DUXB: variants seen among roughly 807,000 people sequenced by gnomAD.
The protein encoded by DUXB is double homeobox protein B.
DUXB carries 22 observed loss-of-function variants against 8.9 expected under a neutral mutation model. The ratio of observed to expected loss-of-function variants is 2.46; its 90% CI spans 1.76 to 3.52. The LOEUF (loss-of-function observed/expected upper bound fraction) is 3.52, where lower values mean the gene tolerates loss of function less well. Ranked by LOEUF, DUXB falls within the 30% of genes most tolerant of loss-of-function variation. DUXB has a pLI of 0.00. For missense variants in DUXB, 237 were observed against 108.7 expected (o/e 2.18, Z -5.25); for synonymous variants, 84 against 37.6 (o/e 2.23, Z -4.52).
chr16:75,698,787 T>G (rs1313005923), intron 2 of DUXB: 1 of 152,262 alleles, frequency 6.6e-6, no homozygotes, highest in African/African-American at 2.4e-5. Flanking sequence ...TTCTCCTGCC[T>G]CAACCTCCTA....
rs956480172 is a variant in DUXB at position 75,696,057 on chromosome 16, G to GT, written c.344dup (p.Asn115LysfsTer8). 2.4e-5 allele frequency: 17 copies of GT among 702,798 alleles called. No homozygotes were observed. The highest frequency in any genetic ancestry group is 3.1e-5 in the Non-Finnish European group (12 of 385,018). The allele number at this position is 702,798 out of a possible 1,614,324, so 43.5% of individuals were successfully genotyped here. ...TCCTCTCAAAGGCTTGCACTAGCCT[G>GT]TTTTTTTGAGTCCATGTGATGAATG... On this transcript the variant is annotated frameshift_variant, in exon 4 of 5. Coordinates refer to ENST00000633875, the MANE Select transcript of DUXB (RefSeq NM_001351307.2). LOFTEE classifies it high-confidence loss of function.
At chr16:75,695,772 G>A (rs1024368675) in intron 4 of DUXB, among the ~76,000 whole-genome samples, 189 bp downstream of exon 4, 7 of 152,174 alleles carry the variant, frequency 4.6e-5, no homozygotes, top group African/African-American at 1.7e-4. Context: ...TTCCAAATCC[G>A]TGCACAGCAA....
intron 2 of DUXB, among the ~76,000 whole-genome samples, chr16:75,697,610 T>C (rs956373383): frequency 5.3e-5 from 8 of 152,232 alleles, no homozygotes; most frequent in African/African-American, 1.7e-4. Context: ...ATTATTTTGA[T>C]AATTAGATCA....
Position 75,701,377 on chromosome 16 carries a change from G to A in DUXB, c.25+17C>T, listed in dbSNP as rs907132055. The A allele has an allele frequency of 5.0e-6, 2 of 398,490 alleles. No homozygotes were observed. The highest frequency in any genetic ancestry group is 8.8e-6 in the Non-Finnish European group (2 of 226,108). The allele number at this position is 398,490 out of a possible 1,614,324, so 24.7% of individuals were successfully genotyped here. A position where few individuals can be genotyped will look rare whatever the true frequency, so the allele number is the denominator to read the frequency against. On this transcript the variant is annotated intron_variant, in intron 1 of 4. Transcript: ENST00000633875. ...CAGCAATCCCAAAGAACAGAGAAAA[G>A]GCTGATGGGAACTTACCACCTGAAG...
intron 4 of DUXB, 97 bp from the exon 5 acceptor site, chr16:75,694,622 A>G (rs1254390097): frequency 6.0e-6 from 4 of 668,998 alleles, no homozygotes; most frequent in South Asian, 1.6e-5. Context: ...TAACCTAAGG[A>G]CAAATCACAG....
chr16:75,695,337 G>A (rs530295718), intron 4 of DUXB, among the ~76,000 whole-genome samples: 3 of 152,296 alleles, frequency 2.0e-5, no homozygotes, highest in South Asian at 4.1e-4. Context: ...ATAAGAATTC[G>A]TAGTTTGTGT....
chr16:75,694,361 A>G lies in DUXB; in HGVS notation c.606T>C (p.His202=), dbSNP rs2082587505. The change falls in exon 5 of 5, where the codon CAT becomes CAC. Residue 202 remains histidine (H), a synonymous_variant. Transcript: ENST00000633875. ...GAAGAGTTTCATGCCCGCTGGAAGA[A>G]TGTGAGCAAGAAAAATAATGAGAGC... is the stretch of plus-strand genomic sequence containing the variant. ...TDSSHYFSCS[H]SSSGHETLPP... 3 of 665,402 alleles carry G rather than the reference A, an allele frequency of 4.5e-6. No individual in the cohort carries two copies. Among genetic ancestry groups the G allele is most frequent in the Admixed American group, 2.4e-5 (1 of 41,436 alleles). The allele number at this position is 665,402 out of a possible 1,614,324, so 41.2% of individuals were successfully genotyped here.
At chr16:75,698,370 C>A (rs1333754240) in intron 2 of DUXB, among the ~76,000 whole-genome samples, 2 of 152,160 alleles carry the variant, frequency 1.3e-5, no homozygotes, top group Non-Finnish European at 2.9e-5. Flanking sequence ...GACTGAGATC[C>A]TTATAGCCAA....
intron 2 of DUXB, among the ~76,000 whole-genome samples, chr16:75,697,613 T>C (rs1245870903): frequency 6.6e-6 from 1 of 152,234 alleles, no homozygotes; most frequent in African/African-American, 2.4e-5. Flanking sequence ...ATTTTGATAA[T>C]TAGATCATTC....
chr16:75,697,474 A>T (rs1333523517), intron 2 of DUXB, among the ~76,000 whole-genome samples: 2 of 151,966 alleles, frequency 1.3e-5, no homozygotes, highest in Non-Finnish European at 2.9e-5. Flanking sequence ...AGATGAGGAG[A>T]CTCCTAGCAA....
intron 2 of DUXB, among the ~76,000 whole-genome samples, chr16:75,699,703 C>T (rs985497362): frequency 4.6e-5 from 7 of 151,980 alleles, no homozygotes; most frequent in African/African-American, 9.6e-5. Context: ...GGACTACAGG[C>T]GACTGCCACC....
At chr16:75,697,174 G>A (rs2082614785) in intron 2 of DUXB, among the ~76,000 whole-genome samples, 1 of 152,168 alleles carries the variant, frequency 6.6e-6, no homozygotes, top group African/African-American at 2.4e-5. Flanking sequence ...CATTTTTTGT[G>A]GCATCCAGAG....
At chr16:75,696,247 CA>C (rs2082606197) in intron 3 of DUXB, 132 bp from the exon 4 acceptor site, 2 of 617,528 alleles carry the variant, frequency 3.2e-6, no homozygotes, top group Admixed American at 2.7e-5. Flanking sequence ...TGCTCTGCAG[CA>C]GGACCAAAAA....
At chr16:75,698,067 T>C (rs1218373490) in intron 2 of DUXB, among the ~76,000 whole-genome samples, 1 of 152,216 alleles carries the variant, frequency 6.6e-6, no homozygotes, top group Non-Finnish European at 1.5e-5. Context: ...ATCTCTTCTC[T>C]AAATTAATGA....
At chr16:75,695,317 G>T (rs375334962) in intron 4 of DUXB, among the ~76,000 whole-genome samples, 1 of 152,106 alleles carries the variant, frequency 6.6e-6, no homozygotes, top group African/African-American at 2.4e-5. Context: ...TCCTCTTCAC[G>T]GATGTGTGCA....
In DUXB at chr16:75,700,017, G is replaced by GA. The variant is rs1404263496; in HGVS notation, c.177dup (p.Gln60SerfsTer5). 4.3e-6 allele frequency: 3 copies of GA among 698,542 alleles called. No individual in the cohort carries two copies. The highest frequency in any genetic ancestry group is 5.2e-6 in the Non-Finnish European group (2 of 383,472). The allele number at this position is 698,542 out of a possible 1,614,324, so 43.3% of individuals were successfully genotyped here. A position where few individuals can be genotyped will look rare whatever the true frequency, so the allele number is the denominator to read the frequency against. On this transcript the variant is annotated frameshift_variant, in exon 2 of 5. Coordinates refer to ENST00000633875, the MANE Select transcript of DUXB (RefSeq NM_001351307.2). LOFTEE classifies it high-confidence loss of function. ...TGAAGTAGAAATCTAATGCCTACCT[G>GA]AATATTAGATTCTGGAACCCCAATT... is the stretch of plus-strand genomic sequence containing the variant.
intron 2 of DUXB, among the ~76,000 whole-genome samples, chr16:75,699,558 C>G (rs1043511458): frequency 6.6e-6 from 1 of 150,478 alleles, no homozygotes; most frequent in Non-Finnish European, 1.5e-5. Flanking sequence ...GTTTTCTTTT[C>G]TTTTCTTTTT....
intron 2 of DUXB, chr16:75,698,450 C>T (rs1959195471): frequency 6.6e-6 from 1 of 152,212 alleles, no homozygotes; most frequent in South Asian, 2.1e-4. Context: ...AACACATTTT[C>T]ACTTGGTCTT....
intron 4 of DUXB, among the ~76,000 whole-genome samples, chr16:75,695,048 G>A (rs551431077): frequency 2.0e-5 from 3 of 152,118 alleles, no homozygotes; most frequent in Non-Finnish European, 4.4e-5. Flanking sequence ...ATGTGAGTTT[G>A]AGAAAAAGAA....
Sources: allele counts gnomAD v4.1 joint callset (sites outside exome capture counted in the v4.1 genomes callset), GRCh38; gene constraint gnomAD v4.1.1; transcripts MANE v1.5; gene names NCBI Gene and HGNC (gene_info 2026-07-23, HGNC 2026-07-21).